The following NEK11 variants were observed in gnomAD, a reference collection of about 807,000 sequenced individuals.
NEK11 encodes NIMA related kinase 11.
In NEK11, 72 loss-of-function variants were observed where a neutral mutation model predicts 80.7. That is an observed-to-expected ratio of 0.89 (90% CI 0.74 to 1.08). The LOEUF (loss-of-function observed/expected upper bound fraction) is 1.08, where lower values mean the gene tolerates loss of function less well. Among genes scored for constraint, NEK11 ranks in the 50% least tolerant of loss-of-function variants. NEK11 has a pLI of 0.00. For synonymous variants in NEK11, 251 were observed against 260.7 expected, an observed-to-expected ratio of 0.96 and a Z score of 0.36; for missense variants, 764 against 763.6, an observed-to-expected ratio of 1.00 and a Z score of -0.01.
At chr3:131,090,209 T>C (rs2076530664) in intron 4 of NEK11, among the ~76,000 whole-genome samples, 1 of 152,216 alleles carries the variant, frequency 6.6e-6, no homozygotes, top group Non-Finnish European at 1.5e-5. Context: ...TGTTCTTCAT[T>C]TCTTTAAAGC....
intron 5 of NEK11, among the ~76,000 whole-genome samples, chr3:131,128,974 G>T (rs1288557307): frequency 1.3e-5 from 2 of 151,070 alleles, no homozygotes; most frequent in Non-Finnish European, 1.5e-5. Flanking sequence ...GTCTGTTAAG[G>T]TCTTTGGCCC....
chr3:131,030,369 T>C (rs994899834), intron 3 of NEK11, among the ~76,000 whole-genome samples: 1 of 152,136 alleles, frequency 6.6e-6, no homozygotes, highest in Admixed American at 6.5e-5. Context: ...GAATAAAGTA[T>C]CCAAATGACC....
chr3:131,229,076 T>C (rs2095276976), intron 15 of NEK11, among the ~76,000 whole-genome samples: 1 of 152,194 alleles, frequency 6.6e-6, no homozygotes, highest in African/African-American at 2.4e-5. Flanking sequence ...TTTGGGGTCA[T>C]ATTCACAAAT....
chr3:131,038,327 T>C (rs1332838431), intron 3 of NEK11, among the ~76,000 whole-genome samples: 1 of 152,004 alleles, frequency 6.6e-6, no homozygotes, highest in African/African-American at 2.4e-5. Context: ...GTTTGGGAGA[T>C]GGAATGGATA....
intron 16 of NEK11, among the ~76,000 whole-genome samples, chr3:131,260,974 A>G (rs2095907935): frequency 6.6e-6 from 1 of 152,116 alleles, no homozygotes; most frequent in Non-Finnish European, 1.5e-5. Context: ...TATTACCCAC[A>G]TGGCAGGGTG....
chr3:131,059,022 C>G (rs1260299709), intron 3 of NEK11, among the ~76,000 whole-genome samples: 2 of 151,964 alleles, frequency 1.3e-5, no homozygotes, highest in African/African-American at 2.4e-5. Context: ...CTATCAGGAG[C>G]CTTCAAAAGA....
At chr3:131,117,280 A>G (rs148148981) in intron 5 of NEK11, among the ~76,000 whole-genome samples, 7 of 119,894 alleles carry the variant, frequency 5.8e-5, no homozygotes, top group Non-Finnish European at 1.0e-4. Context: ...AAGATCAGAT[A>G]GTTGTAGATG....
chr3:131,040,031 A>C (rs2066236439), intron 3 of NEK11, among the ~76,000 whole-genome samples: 1 of 29,142 alleles, frequency 3.4e-5, no homozygotes, highest in Admixed American at 2.0e-4. Context: ...AGAGTTCTAA[A>C]AGTAGTTTAC....
At chr3:131,315,839 G>A (rs1561508793) in intron 17 of NEK11, among the ~76,000 whole-genome samples, 1 of 151,974 alleles carries the variant, frequency 6.6e-6, no homozygotes, top group Non-Finnish European at 1.5e-5. Context: ...AGTTTGCTGA[G>A]GATAATAGCT....
At chr3:131,251,051 G>A (rs981469536) in intron 16 of NEK11, among the ~76,000 whole-genome samples, 3 of 151,374 alleles carry the variant, frequency 2.0e-5, no homozygotes, top group East Asian at 3.9e-4. Flanking sequence ...GTGTGCATCT[G>A]TGTGTGTGTG....
chr3:131,147,775 A>G (rs1222556799), intron 7 of NEK11, among the ~76,000 whole-genome samples: 1 of 152,006 alleles, frequency 6.6e-6, no homozygotes, highest in Non-Finnish European at 1.5e-5. Flanking sequence ...TTCTGTACAC[A>G]ATCATGTTGA....
intron 4 of NEK11, among the ~76,000 whole-genome samples, chr3:131,096,499 A>C (rs1413280906): frequency 1.2e-4 from 18 of 152,004 alleles, no homozygotes; most frequent in Admixed American, 1.1e-3. Flanking sequence ...ATGCATGCAT[A>C]TGTCTTTTTG....
intron 14 of NEK11, among the ~76,000 whole-genome samples, chr3:131,178,659 G>A (rs952643581): frequency 6.6e-6 from 1 of 152,010 alleles, no homozygotes; most frequent in African/African-American, 2.4e-5. Context: ...TCTCCTGAAG[G>A]TTTTACAGTT....
At chr3:131,085,552 G>A (rs1455511365) in intron 4 of NEK11, among the ~76,000 whole-genome samples, 1 of 152,070 alleles carries the variant, frequency 6.6e-6, no homozygotes, top group Non-Finnish European at 1.5e-5. Context: ...TCTGACCATG[G>A]GAACCATGAA....
chr3:131,132,808 T>G lies in NEK11; in HGVS notation c.519T>G (p.Ile173Met), dbSNP rs368574258. The G allele has an allele frequency of 1.4e-6, 2 of 1,399,980 alleles. No individual in the cohort carries two copies. The highest frequency in any genetic ancestry group is 2.1e-5 in the Admixed American group (1 of 48,154). The allele number at this position is 1,399,980 out of a possible 1,614,324, so 86.7% of individuals were successfully genotyped here. A position where few individuals can be genotyped will look rare whatever the true frequency, so the allele number is the denominator to read the frequency against. ...TTCTGAAAAATAATCTCCTTAAAAT[T>G]GGTAAGATTTTAAAAAGTATGAATT... ...NVFLKNNLLK[I>M]GDFGVSRLLM... The change falls in exon 6 of 18, where the codon ATT becomes ATG. Residue 173 changes from isoleucine (I) to methionine (M), a missense_variant and splice_region_variant. By Grantham distance (10) the Ile-to-Met change is conservative. Transcript: ENST00000383366.
chr3:131,047,847 A>T (rs772387145), intron 3 of NEK11, among the ~76,000 whole-genome samples: 1 of 152,218 alleles, frequency 6.6e-6, no homozygotes, highest in Non-Finnish European at 1.5e-5. Context: ...TCCCAGGAGA[A>T]TATGTCCTTT....
chr3:131,274,695 G>A lies in NEK11; in HGVS notation c.1718+1121G>A, dbSNP rs796151113. ...GGAGTCTCGCTCTGTCGCCCAGGCC[G>A]GACTGCGGACTGCAGTGGCGCAATC... On this transcript the variant is annotated intron_variant, in intron 17 of 17. Coordinates refer to ENST00000383366, the MANE Select transcript of NEK11 (RefSeq NM_024800.5). 5.5e-4 allele frequency among the ~76,000 whole-genome samples: 66 copies of A among 120,592 alleles called. No homozygotes were observed. The East Asian group carries it at 0.01, about 19-fold the overall frequency. The allele number at this position is 120,592 out of a possible 152,430, so 79.1% of individuals were successfully genotyped here. A position where few individuals can be genotyped will look rare whatever the true frequency, so the allele number is the denominator to read the frequency against.
At chr3:131,259,643 C>T (rs1454955788) in intron 16 of NEK11, among the ~76,000 whole-genome samples, 2 of 152,092 alleles carry the variant, frequency 1.3e-5, no homozygotes, top group Non-Finnish European at 2.9e-5. Flanking sequence ...CAAGCCTTAG[C>T]CAAACCCTCA....
intron 7 of NEK11, among the ~76,000 whole-genome samples, chr3:131,146,941 T>G (rs899608720): frequency 1.3e-5 from 2 of 152,146 alleles, no homozygotes; most frequent in Non-Finnish European, 2.9e-5. Context: ...TTTGGTAGTC[T>G]GATGAATATT....
Sources: allele counts gnomAD v4.1 joint callset (sites outside exome capture counted in the v4.1 genomes callset), GRCh38; gene constraint gnomAD v4.1.1; transcripts MANE v1.5; gene names NCBI Gene and HGNC (gene_info 2026-07-23, HGNC 2026-07-21).